The following ZMYM3 variants were observed in gnomAD, a reference collection of about 807,000 sequenced individuals.
ZMYM3 encodes zinc finger MYM-type containing 3.
Under a neutral mutation model 94.2 loss-of-function variants are expected in ZMYM3, and 6 were observed. The observed-to-expected ratio is 0.06, with a 90% CI of 0.03 to 0.13. The LOEUF (loss-of-function observed/expected upper bound fraction) is 0.13. ZMYM3 is among the 10% of genes least tolerant of loss of function. The pLI is 1.00. For synonymous variants in ZMYM3, 420 were observed against 426.5 expected, an observed-to-expected ratio of 0.98 and a Z score of 0.19; for missense variants, 664 against 1,132.6, an observed-to-expected ratio of 0.59 and a Z score of 5.94.
chrX:71,251,167 A>G lies in ZMYM3; in HGVS notation c.778+11T>C. 6 of 1,208,454 alleles carry G rather than the reference A, an allele frequency of 5.0e-6. No homozygotes were observed. The highest frequency in any genetic ancestry group is 6.7e-6 in the Non-Finnish European group (6 of 893,759). On this transcript the variant is annotated intron_variant, in intron 4 of 24. Transcript: ENST00000314425. ...GAACTCCCAGGTCACACTTCCTCAA[A>G]TCCTACTTACTGCTCTCAGTGGAAT...
rs780592297 is a variant in ZMYM3 at position 71,240,583 on chromosome X, C to T, written c.*333G>A. The stretch of plus-strand genomic sequence containing the variant: ...CGGGATGGGTCAGGAAACCCAAAGC[C>T]AACAGGATCACCAGAGCTATTAACA... On this transcript the variant is annotated 3_prime_UTR_variant, in exon 25 of 25. Transcript: ENST00000314425. 5.3e-6 allele frequency: 1 copy of T among 190,207 alleles called. No individual in the cohort carries two copies. The highest frequency in any genetic ancestry group is 7.0e-5 in the Admixed American group (1 of 14,206). The allele number at this position is 190,207 out of a possible 1,213,427, so 15.7% of individuals were successfully genotyped here.
Position 71,250,626 on chromosome X carries a change from G to A in ZMYM3, c.879C>T (p.Arg293=). 8.3e-7 allele frequency: 1 copy of A among 1,211,505 alleles called. No individual in the cohort carries two copies. The highest frequency in any genetic ancestry group is 1.1e-6 in the Non-Finnish European group (1 of 895,266). Reference sequence around the variant, plus strand: ...GCCCGGCCCTTTGTGACACACTTGAGCGTAGGGACATGCGAGGAGAGCGCC... The same window carrying A: ...GCCCGGCCCTTTGTGACACACTTGAACGTAGGGACATGCGAGGAGAGCGCC... The part of the protein sequence containing the change: ...RPRRSPRMSL[R]SSVSQRAGRS... Residue 293 remains arginine, a synonymous_variant, in exon 5 of 25, where the codon CGC becomes CGT. Coordinates refer to ENST00000314425, the MANE Select transcript of ZMYM3 (RefSeq NM_201599.3).
chrX:71,242,908 C>G (rs1028554586), intron 22 of ZMYM3, 62 bp downstream of exon 22: 33 of 1,066,967 alleles, frequency 3.1e-5, no homozygotes, highest in Non-Finnish European at 3.8e-5. Context: ...ACAGGACTCT[C>G]GGGATGGTGG....
Position 71,245,738 on chromosome X carries a change from G to A in ZMYM3, c.2790C>T (p.Ala930=), listed in dbSNP as rs1447262886. 6.6e-6 allele frequency: 8 copies of A among 1,209,425 alleles called. No individual in the cohort carries two copies. The highest frequency in any genetic ancestry group is 3.0e-5 in the East Asian group (1 of 33,757). The part of the protein sequence containing the change: ...KVKIPSNPLE[A]DILAMAEMIA... ...TCATTTCTGCCATAGCCAGGATGTC[G>A]GCCTCCAAGGGGTTGGAAGGGATCT... is the stretch of plus-strand genomic sequence containing the variant. The change falls in exon 17 of 25, where the codon GCC becomes GCT. Residue 930 remains alanine (A), a synonymous_variant. Coordinates refer to ENST00000314425, the MANE Select transcript of ZMYM3 (RefSeq NM_201599.3).
rs2030277485 is a variant in ZMYM3 at position 71,248,315 on chromosome X, G to A, written c.1825-3C>T. ...CAGCAGAACTGGAACACTTGGTCCT[G>A]AGGTGGGGGCACAGGGCAGGGAGGA... On this transcript the variant is annotated splice_polypyrimidine_tract_variant and splice_region_variant and intron_variant, in intron 10 of 24. Transcript: ENST00000314425. The A allele has an allele frequency of 4.2e-6, 5 of 1,200,526 alleles. No individual in the cohort carries two copies. Among genetic ancestry groups the A allele is most frequent in the Non-Finnish European group, 4.5e-6 (4 of 889,193 alleles).
At chrX:71,253,309 G>A in intron 1 of ZMYM3, 35 bp from the exon 2 acceptor site, 1 of 1,067,771 alleles carries the variant, frequency 9.4e-7, no homozygotes, top group Non-Finnish European at 1.2e-6. Context: ...GGCAGTAGAG[G>A]TGGTCTTAGC....
chrX:71,250,817 C>T, intron 4 of ZMYM3, 91 bp from the exon 5 acceptor site: 2 of 914,095 alleles, frequency 2.2e-6, no homozygotes, highest in Non-Finnish European at 3.0e-6. Context: ...CTCCTGGGAT[C>T]CCTGTTGTTC....
Position 71,247,403 on chromosome X carries a change from A to G in ZMYM3, c.2256T>C (p.Tyr752=), listed in dbSNP as rs762740274. ...FCNQQCLLRF[Y]SQQNQPNLDT... ...CCAGGTTGGGTTGGTTCTGCTGGCT[A>G]TAGAAACGCAGAAGACACTGCTGGT... The change falls in exon 13 of 25, where the codon TAT becomes TAC. Residue 752 remains tyrosine (Y), a synonymous_variant. Coordinates refer to ENST00000314425, the MANE Select transcript of ZMYM3 (RefSeq NM_201599.3). 77 of 1,204,855 alleles carry G rather than the reference A, an allele frequency of 6.4e-5. No homozygotes were observed. The highest frequency in any genetic ancestry group is 8.3e-5 in the Non-Finnish European group (74 of 892,373).
intron 7 of ZMYM3, 91 bp from the exon 8 acceptor site, chrX:71,249,260 C>CA (rs1178365882): frequency 2.6e-6 from 3 of 1,171,090 alleles, no homozygotes; most frequent in Admixed American, 5.0e-5. Flanking sequence ...TTCAGGCATA[C>CA]AAAAAAAGTA....
In ZMYM3 at chrX:71,239,757, T is replaced by C. The variant is rs1164958972; in HGVS notation, c.*1159A>G. Reference sequence around the variant, plus strand: ...AGGCCAGGCGCCTCAGAACAATATATACAATTTAAACAGTGGCTAACTGGT... The same window carrying C: ...AGGCCAGGCGCCTCAGAACAATATACACAATTTAAACAGTGGCTAACTGGT... On this transcript the variant is annotated 3_prime_UTR_variant, in exon 25 of 25. Coordinates refer to ENST00000314425, the MANE Select transcript of ZMYM3 (RefSeq NM_201599.3). The C allele has an allele frequency of 1.8e-5, 2 of 112,789 alleles. No homozygotes were observed. The highest frequency in any genetic ancestry group is 3.8e-5 in the Non-Finnish European group (2 of 53,282). 9.3% of individuals were successfully genotyped at this position (112,789 alleles called of 1,213,427 possible). A position where few individuals can be genotyped will look rare whatever the true frequency, so the allele number is the denominator to read the frequency against.
intron 23 of ZMYM3, 122 bp downstream of exon 23, chrX:71,242,048 C>CAGG: frequency 1.0e-6 from 1 of 981,886 alleles, no homozygotes; most frequent in Non-Finnish European, 1.4e-6. Flanking sequence ...CACACAGGAA[C>CAGG]AGGAGAGGGA....
At chrX:71,255,219 T>G (rs758754560), upstream of ZMYM3, 2 of 104,234 alleles carry the variant, frequency 1.9e-5, no homozygotes, top group Admixed American at 2.1e-4. Flanking sequence ...TCGCTCTCTC[T>G]CTCTCTCTCC....
At position 71,250,615 on chromosome X, in the gene ZMYM3, G is replaced by A; in HGVS notation, c.890C>T (p.Ser297Leu). The part of the protein sequence containing the change: ...SPRMSLRSSV[S>L]QRAGRSAVGT... ...CACTGCAGAGCGCCCGGCCCTTTGT[G>A]ACACACTTGAGCGTAGGGACATGCG... Residue 297 changes from serine (S) to leucine (L), a missense_variant, in exon 5 of 25, where the codon TCA becomes TTA. By Grantham distance (145) the Ser-to-Leu change is moderately radical. Transcript: ENST00000314425. The A allele has an allele frequency of 8.3e-7, 1 of 1,211,567 alleles. No individual in the cohort carries two copies.
rs201856604 is a variant in ZMYM3 at position 71,242,469 on chromosome X, C to T, written c.3548-45G>A. ...GAGGCCAGTCAGGAGGGAGTGGCTA[C>T]CCAAACCCAACCACTTCCCATCCCA... On this transcript the variant is annotated intron_variant, in intron 22 of 24. Transcript: ENST00000314425. 2.4e-5 allele frequency: 29 copies of T among 1,192,664 alleles called. No homozygotes were observed. In the African/African-American group the frequency reaches 4.7e-4, roughly 19 times the overall value.
chrX:71,252,741 G>A lies in ZMYM3; in HGVS notation c.515C>T (p.Ser172Phe). 8.3e-7 allele frequency: 1 copy of A among 1,210,967 alleles called. No individual in the cohort carries two copies. Among genetic ancestry groups the A allele is most frequent in the South Asian group, 1.8e-5 (1 of 56,832 alleles). ...GGGAAGCTCCTCCTCCTGCCCAGGG[G>A]AGCCCCTTCTTGCAGTAGCTATGGA... The part of the protein sequence containing the change: ...TTSIATARRG[S>F]PGQEEELPQG... Residue 172 changes from serine to phenylalanine, a missense_variant, in exon 2 of 25, where the codon TCC becomes TTC. By Grantham distance (155) the Ser-to-Phe change is radical. Transcript: ENST00000314425.
At chrX:71,245,315 G>A (rs2030121996) in intron 18 of ZMYM3, 24 bp downstream of exon 18, 3 of 1,207,397 alleles carry the variant, frequency 2.5e-6, no homozygotes, top group African/African-American at 3.5e-5. Context: ...CATACTCAGT[G>A]GGCATGGCTC....
chrX:71,247,379 C>G lies in ZMYM3; in HGVS notation c.2280G>C (p.Leu760=), dbSNP rs1199417883. ...RFYSQQNQPN[L]DTQSGPESLL... ...GGCTCTCGGGCCCACTCTGGGTATC[C>G]AGGTTGGGTTGGTTCTGCTGGCTAT... is the stretch of plus-strand genomic sequence containing the variant. The change falls in exon 13 of 25, where the codon CTG becomes CTC. Residue 760 remains leucine, a synonymous_variant. Transcript: ENST00000314425. 2 of 1,200,010 alleles carry G rather than the reference C, an allele frequency of 1.7e-6. No individual in the cohort carries two copies. The highest frequency in any genetic ancestry group is 2.2e-6 in the Non-Finnish European group (2 of 889,810).
intron 3 of ZMYM3, 128 bp from the exon 4 acceptor site, chrX:71,251,372 A>G: frequency 1.1e-6 from 1 of 917,601 alleles, no homozygotes; most frequent in Admixed American, 2.8e-5. Flanking sequence ...CCCAGCCCTT[A>G]GGAGGAGGGA....
chrX:71,248,110 A>G, intron 11 of ZMYM3, 52 bp downstream of exon 11: 1 of 1,200,429 alleles, frequency 8.3e-7, no homozygotes. Context: ...CTTCTCCTCC[A>G]TTCTCCCTGG....
Sources: allele counts gnomAD v4.1 joint callset, GRCh38; gene constraint gnomAD v4.1.1; transcripts MANE v1.5; gene names NCBI Gene and HGNC (gene_info 2026-07-23, HGNC 2026-07-21).